TG: variants seen among roughly 807,000 people sequenced by gnomAD.
The protein encoded by TG is thyroid hormones.
A neutral mutation model predicts 324.7 loss-of-function variants in TG; 270 were observed. That is an observed-to-expected ratio of 0.83 (90% CI 0.75 to 0.92). The LOEUF is 0.92. Ranked by LOEUF, TG falls within the 40% of genes least tolerant of loss-of-function variation. TG has a pLI of 0.00. For missense variants in TG, 3,591 were observed against 3,456.4 expected (o/e 1.04, Z -0.98); for synonymous variants, 1,401 against 1,327.0 (o/e 1.06, Z -1.21).
intron 32 of TG, among the ~76,000 whole-genome samples, chr8:132,970,061 G>A (rs1829279027): frequency 6.6e-6 from 1 of 151,896 alleles, no homozygotes; most frequent in Non-Finnish European, 1.5e-5. Context: ...CTACTCGCTG[G>A]ATGATGAAAG....
In TG at chr8:132,908,338, C is replaced by A. The variant is rs1818980705; in HGVS notation, c.4000C>A (p.Gln1334Lys). The A allele has an allele frequency of 1.9e-6, 3 of 1,610,752 alleles. No homozygotes were observed. Among genetic ancestry groups the A allele is most frequent in the Non-Finnish European group, 2.5e-6 (3 of 1,178,644 alleles). The change falls in exon 18 of 48, where the codon CAG (glutamine) becomes AAG (lysine). Residue 1334 changes from glutamine to lysine, a missense_variant and splice_region_variant. Gln to Lys is a moderately conservative substitution (Grantham distance 53). Coordinates refer to ENST00000220616, the MANE Select transcript of TG (RefSeq NM_003235.5). ...GACAGCCCGCGGCTTCTGCCAGATC[C>A]AGGTACATGCCTGGCCTTCCCCACA... ...ELTARGFCQIQVKTFGTLVSI... is the reference protein window; with the variant it reads ...ELTARGFCQIKVKTFGTLVSI...
chr8:132,908,388 G>T, intron 18 of TG, 48 bp downstream of exon 18: 5 of 1,506,780 alleles, frequency 3.3e-6, no homozygotes, highest in African/African-American at 1.6e-5. Flanking sequence ...TCAACTCAGG[G>T]TTACGGTGTC....
chr8:132,931,574 G>A (rs1423201561), intron 23 of TG, among the ~76,000 whole-genome samples: 1 of 152,144 alleles, frequency 6.6e-6, no homozygotes, highest in Non-Finnish European at 1.5e-5. Flanking sequence ...GGGTGTGAGG[G>A]GAAGCTATGG....
In TG at chr8:132,869,838, TG is replaced by T. The variant is rs759745915; in HGVS notation, c.274+17del. 6.2e-7 allele frequency: 1 copy of T among 1,612,430 alleles called. No individual in the cohort carries two copies. The highest frequency in any genetic ancestry group is 8.5e-7 in the Non-Finnish European group (1 of 1,179,172). On this transcript the variant is annotated intron_variant, in intron 3 of 47. Transcript: ENST00000220616. ...ACGGCCTGTGGCTTGTAAGTGGGAGTGGGGGACGTCCCTTGGAGGGACCCTG... is the reference window on the plus strand; with the variant it reads ...ACGGCCTGTGGCTTGTAAGTGGGAGTGGGGACGTCCCTTGGAGGGACCCTG...
chr8:132,882,039 A>G, intron 6 of TG, 70 bp downstream of exon 6: 2 of 1,162,804 alleles, frequency 1.7e-6, no homozygotes, highest in Non-Finnish European at 2.6e-6. Flanking sequence ...CCTGGATAAC[A>G]TTGCTTGTAA....
intron 35 of TG, among the ~76,000 whole-genome samples, chr8:133,008,044 A>C (rs776348789): frequency 7.9e-5 from 12 of 152,302 alleles, no homozygotes; most frequent in Middle Eastern, 3.4e-3. Context: ...TGTCAACAAT[A>C]ACCATTTTGA....
intron 41 of TG, among the ~76,000 whole-genome samples, chr8:133,090,532 C>T (rs1024148070): frequency 2.0e-5 from 3 of 152,242 alleles, no homozygotes; most frequent in Non-Finnish European, 2.9e-5. Flanking sequence ...CCAAGTCAGA[C>T]AGCGCAAGGG....
At chr8:133,083,957 C>T (rs532382557) in intron 41 of TG, among the ~76,000 whole-genome samples, 1 of 152,214 alleles carries the variant, frequency 6.6e-6, no homozygotes, top group Non-Finnish European at 1.5e-5. Context: ...CAGGCCATGC[C>T]TCCTGTGGCA....
chr8:132,936,855 G>A (rs977089315), intron 25 of TG, among the ~76,000 whole-genome samples: 2 of 152,224 alleles, frequency 1.3e-5, no homozygotes, highest in African/African-American at 4.8e-5. Context: ...AGCTGTTAAG[G>A]GCTGCAGAGC....
chr8:133,003,236 A>G (rs1189915024), intron 35 of TG: 1 of 161,312 alleles, frequency 6.2e-6, no homozygotes, highest in Non-Finnish European at 1.3e-5. Context: ...GGAAGGAGGG[A>G]GGGAGAGAGT....
chr8:132,923,476 CAG>C lies in TG; in HGVS notation c.4670_4671del (p.Glu1557GlyfsTer4), dbSNP rs1821389863. 1 of 1,613,810 alleles carries C rather than the reference CAG, an allele frequency of 6.2e-7. No homozygotes were observed. ...GGGCGGAGGCTGCCATGGTGGGAAA[CAG>C]AGGCCCCTCTTGAGGACTCACAGTG... On this transcript the variant is annotated frameshift_variant, in exon 22 of 48. Transcript: ENST00000220616. LOFTEE classifies it high-confidence loss of function.
intron 35 of TG, among the ~76,000 whole-genome samples, chr8:132,991,979 T>A (rs1832398441): frequency 6.6e-6 from 1 of 152,086 alleles, no homozygotes; most frequent in Non-Finnish European, 1.5e-5. Flanking sequence ...TGGTTCCCAG[T>A]TCCCTTCCTT....
chr8:132,899,571 C>T (rs1344474957), intron 14 of TG, among the ~76,000 whole-genome samples: 1 of 152,168 alleles, frequency 6.6e-6, no homozygotes, highest in African/African-American at 2.4e-5. Flanking sequence ...GCAAAAGTTT[C>T]CTTATTATTG....
chr8:133,010,746 C>T (rs537048685), intron 35 of TG, among the ~76,000 whole-genome samples: 14 of 152,182 alleles, frequency 9.2e-5, no homozygotes, highest in South Asian at 2.1e-4. Flanking sequence ...GCTCTAGGCA[C>T]GGCCCTTGCA....
chr8:133,019,518 G>A, intron 38 of TG, 84 bp from the exon 39 acceptor site: 1 of 1,144,036 alleles, frequency 8.7e-7, no homozygotes, highest in Non-Finnish European at 1.3e-6. Flanking sequence ...CTTTGGAATG[G>A]GGTAGTGGGC....
At chr8:132,971,430 C>T (rs528873008) in intron 32 of TG, among the ~76,000 whole-genome samples, 20 of 152,212 alleles carry the variant, frequency 1.3e-4, no homozygotes, top group Non-Finnish European at 4.4e-5. Context: ...CTTTATTTTC[C>T]CAGTGTCCAA....
At chr8:132,994,866 G>T in intron 35 of TG, 2 of 1,252,968 alleles carry the variant, frequency 1.6e-6, no homozygotes, top group African/African-American at 1.5e-5. Flanking sequence ...TGGTTATCTT[G>T]CTGTGATGGA....
chr8:133,102,521 G>A, intron 43 of TG: 1 of 1,550,478 alleles, frequency 6.4e-7, no homozygotes, highest in Non-Finnish European at 8.7e-7. Flanking sequence ...CCCACCCAGG[G>A]GGTCCCAATG....
At chr8:132,951,728 A>G (rs1012042492) in intron 27 of TG, among the ~76,000 whole-genome samples, 2 of 152,234 alleles carry the variant, frequency 1.3e-5, no homozygotes, top group Non-Finnish European at 2.9e-5. Flanking sequence ...ACAAAGGCTG[A>G]GTAGGAGGCT....
Sources: gnomAD v4.1 joint callset for allele counts (sites outside exome capture counted in the v4.1 genomes callset) on GRCh38, gnomAD v4.1.1 for gene constraint, MANE v1.5 for transcripts, NCBI Gene and HGNC (gene_info 2026-07-23, HGNC 2026-07-21) for gene names.